DDC: variants seen among roughly 807,000 people sequenced by gnomAD.
DDC encodes the protein aromatic-L-amino-acid decarboxylase.
DDC carries 43 observed loss-of-function variants against 60.0 expected under a neutral mutation model. The observed-to-expected ratio is 0.72, with a 90% CI of 0.56 to 0.92. The LOEUF (loss-of-function observed/expected upper bound fraction) is 0.92, where lower values mean the gene tolerates loss of function less well. Ranked by LOEUF, DDC falls within the 40% of genes least tolerant of loss-of-function variation. The probability of loss-of-function intolerance (pLI) is 0.00; values close to 1 mark genes in which losing one functional copy is unlikely to be tolerated. For missense variants in DDC, 573 were observed against 620.2 expected (o/e 0.92, Z 0.81); for synonymous variants, 232 against 234.6 (o/e 0.99, Z 0.10).
At chr7:50,549,375 G>A (rs1468679676) in intron 1 of DDC, among the ~76,000 whole-genome samples, 7 of 152,290 alleles carry the variant, frequency 4.6e-5, no homozygotes, top group East Asian at 1.9e-4. Context: ...TTTGTGGGCC[G>A]GGCGCAGTGG....
At chr7:50,495,308 A>G in intron 9 of DDC, 42 bp downstream of exon 9, 1 of 1,491,084 alleles carries the variant, frequency 6.7e-7, no homozygotes, top group Non-Finnish European at 9.4e-7. Flanking sequence ...TTTCACTGTC[A>G]CCTCGGACAG....
intron 6 of DDC, among the ~76,000 whole-genome samples, chr7:50,518,774 A>G (rs2043809101): frequency 1.3e-5 from 2 of 152,390 alleles, no homozygotes; most frequent in South Asian, 4.1e-4. Context: ...AAGACCTGAA[A>G]CTATAAAAAT....
At chr7:50,507,234 A>C (rs1053758419) in intron 6 of DDC, among the ~76,000 whole-genome samples, 1 of 152,194 alleles carries the variant, frequency 6.6e-6, no homozygotes, top group African/African-American at 2.4e-5. Flanking sequence ...ACTAAACTAA[A>C]TGCAATAACT....
At chr7:50,460,381 G>A (rs1288041459) in intron 14 of DDC, among the ~76,000 whole-genome samples, 8 of 148,114 alleles carry the variant, frequency 5.4e-5, no homozygotes, top group Middle Eastern at 3.5e-3. Flanking sequence ...CCCCCCGCCC[G>A]GCCAGCCGCC....
chr7:50,505,438 C>A (rs924641733), intron 6 of DDC, among the ~76,000 whole-genome samples: 4 of 152,114 alleles, frequency 2.6e-5, no homozygotes, highest in Non-Finnish European at 4.4e-5. Flanking sequence ...TTTATTGAGC[C>A]CCCTGTAAAG....
chr7:50,540,938 G>A lies in DDC; in HGVS notation c.202-910C>T, dbSNP rs200427909. 2.6e-5 allele frequency among the ~76,000 whole-genome samples: 4 copies of A among 152,234 alleles called. No individual in the cohort carries two copies. The East Asian group carries it at 7.7e-4, about 29-fold the overall frequency. On this transcript the variant is annotated intron_variant, in intron 2 of 14. Coordinates refer to ENST00000444124, the MANE Select transcript of DDC (RefSeq NM_001082971.2). ...CAAACATCTTGGAGTCTGGGAGGACGATCAGGGGAGGACAGAGAAGGAGCA... is the reference window on the plus strand; with the variant it reads ...CAAACATCTTGGAGTCTGGGAGGACAATCAGGGGAGGACAGAGAAGGAGCA...
intron 7 of DDC, 93 bp downstream of exon 7, chr7:50,503,900 T>C: frequency 4.4e-6 from 4 of 918,216 alleles, no homozygotes; most frequent in South Asian, 3.9e-5. Flanking sequence ...CAATATGAAG[T>C]TAACGACAAG....
rs2044130583 is a variant in DDC, at chr7:50,529,298, C to A, written c.480G>T (p.Arg160=). The A allele has an allele frequency of 6.2e-7, 1 of 1,614,182 alleles. No homozygotes were observed. Among genetic ancestry groups the A allele is most frequent in the East Asian group, 2.2e-5 (1 of 44,882 alleles). Residue 160 remains arginine, a synonymous_variant, in exon 5 of 15, where the codon CGG becomes CGT. Coordinates refer to ENST00000444124, the MANE Select transcript of DDC (RefSeq NM_001082971.2). ...EATLVALLAA[R]TKVIHRLQAA... ...CCTGCAGCCGATGGATCACTTTGGT[C>A]CGAGCGGCCAGCAGGGCCACCAGGG...
intron 4 of DDC, among the ~76,000 whole-genome samples, chr7:50,529,843 C>T (rs531113991): frequency 4.7e-4 from 72 of 152,212 alleles, no homozygotes; most frequent in African/African-American, 1.7e-3. Context: ...TGAATTGTGT[C>T]CCCAAAAATT....
chr7:50,471,195 C>G (rs2042522599), intron 11 of DDC, among the ~76,000 whole-genome samples: 1 of 152,138 alleles, frequency 6.6e-6, no homozygotes, highest in African/African-American at 2.4e-5. Flanking sequence ...AGTTTGAGAC[C>G]AGCCTGACCA....
chr7:50,487,149 A>C (rs967590910), intron 9 of DDC, among the ~76,000 whole-genome samples: 1 of 152,232 alleles, frequency 6.6e-6, no homozygotes, highest in Admixed American at 6.5e-5. Flanking sequence ...TTTTGCTACC[A>C]ATTATATGAA....
chr7:50,480,435 A>G (rs920083636), intron 9 of DDC, among the ~76,000 whole-genome samples: 2 of 152,086 alleles, frequency 1.3e-5, no homozygotes, highest in Admixed American at 6.5e-5. Context: ...GCTTTTTTGA[A>G]TTCTGTGAGT....
intron 8 of DDC, among the ~76,000 whole-genome samples, chr7:50,495,906 C>T (rs2043117305): frequency 6.6e-6 from 1 of 152,194 alleles, no homozygotes; most frequent in Admixed American, 6.5e-5. Context: ...CTTGAAGTTC[C>T]TTCCACTTGC....
Position 50,463,352 on chromosome 7 carries a change from C to T in DDC, c.1322G>A (p.Arg441Lys). 1 of 1,614,200 alleles carries T rather than the reference C, an allele frequency of 6.2e-7. No individual in the cohort carries two copies. The highest frequency in any genetic ancestry group is 2.2e-5 in the East Asian group (1 of 44,884). The change falls in exon 14 of 15, where the codon AGG (arginine) becomes AAG (lysine). Residue 441 changes from arginine to lysine, a missense_variant. By Grantham distance (26) the Arg-to-Lys change is conservative (BLOSUM62 2). Transcript: ENST00000444124. ...KKIHLVPCHL[R>K]DKFVLRFAIC... ...GGCAAAGCGCAGGACAAACTTGTCCCTGAGGTGACATGGAACCAAGTGGAT... is the reference window on the plus strand; with the variant it reads ...GGCAAAGCGCAGGACAAACTTGTCCTTGAGGTGACATGGAACCAAGTGGAT...
At chr7:50,548,364 G>A (rs770882387) in intron 1 of DDC, among the ~76,000 whole-genome samples, 15 of 152,210 alleles carry the variant, frequency 9.9e-5, no homozygotes, top group Non-Finnish European at 1.8e-4. Flanking sequence ...AAGCCAAACA[G>A]TTATCCAGGC....
At chr7:50,516,130 G>A (rs746807318) in intron 6 of DDC, among the ~76,000 whole-genome samples, 28 of 152,026 alleles carry the variant, frequency 1.8e-4, no homozygotes, top group African/African-American at 3.1e-4. Context: ...TACACATTCC[G>A]TTCAACAGCG....
At chr7:50,527,927 T>G (rs2044083168) in intron 6 of DDC, 3 of 525,392 alleles carry the variant, frequency 5.7e-6, no homozygotes, top group Non-Finnish European at 1.0e-5. Context: ...GACAGAGTCT[T>G]GCTCTGTCAC....
chr7:50,506,009 G>T (rs1018269489), intron 6 of DDC, among the ~76,000 whole-genome samples: 3 of 152,236 alleles, frequency 2.0e-5, no homozygotes, highest in South Asian at 2.1e-4. Context: ...TTGGGCAGCA[G>T]AGGGGTGGGG....
chr7:50,515,377 C>T (rs1044762296), intron 6 of DDC, among the ~76,000 whole-genome samples: 6 of 152,140 alleles, frequency 3.9e-5, no homozygotes, highest in Non-Finnish European at 8.8e-5. Flanking sequence ...TCACCATTAC[C>T]AAGCCACCAC....
Sources: allele counts gnomAD v4.1 joint callset (sites outside exome capture counted in the v4.1 genomes callset), GRCh38; gene constraint gnomAD v4.1.1; transcripts MANE v1.5; gene names NCBI Gene and HGNC (gene_info 2026-07-23, HGNC 2026-07-21).